The following PALM2AKAP2 variants were observed in gnomAD, a reference collection of about 807,000 sequenced individuals.
PALM2AKAP2 encodes PALM2-AKAP2 fusion protein.
Under a neutral mutation model 71.5 loss-of-function variants are expected in PALM2AKAP2, and 37 were observed. That is an observed-to-expected ratio of 0.52 (90% confidence interval 0.40 to 0.68). PALM2AKAP2 has a LOEUF of 0.68. Ranked by LOEUF, PALM2AKAP2 falls within the 30% of genes least tolerant of loss-of-function variation. The probability of loss-of-function intolerance (pLI) is 0.00; values close to 1 mark genes in which losing one functional copy is unlikely to be tolerated. For synonymous variants in PALM2AKAP2, 468 were observed against 478.8 expected (o/e 0.98, Z 0.29); for missense variants, 1,224 against 1,191.8 (o/e 1.03, Z -0.40).
chr9:110,068,220 G>A (rs930595065), intron 1 of PALM2AKAP2, among the ~76,000 whole-genome samples: 3 of 148,868 alleles, frequency 2.0e-5, no homozygotes, highest in African/African-American at 5.1e-5. Flanking sequence ...GATGGATTAA[G>A]GAGGACAAAG....
intron 6 of PALM2AKAP2, among the ~76,000 whole-genome samples, chr9:109,969,995 G>A (rs1207778038): frequency 6.6e-6 from 1 of 152,216 alleles, no homozygotes; most frequent in Non-Finnish European, 1.5e-5. Context: ...AAATGGACTG[G>A]AGAGTGCAAC....
chr9:109,646,569 T>C (rs1408789797), intron 1 of PALM2AKAP2, among the ~76,000 whole-genome samples: 1 of 152,214 alleles, frequency 6.6e-6, no homozygotes, highest in Non-Finnish European at 1.5e-5. Context: ...TGAATAAATC[T>C]AGGTTCATGA....
chr9:109,672,960 GTTTCT>G (rs2118495335), intron 1 of PALM2AKAP2, among the ~76,000 whole-genome samples: 1 of 151,742 alleles, frequency 6.6e-6, no homozygotes, highest in Admixed American at 6.6e-5. Flanking sequence ...CCTCCTTGGT[GTTTCT>G]GATTGTGTTT....
intron 1 of PALM2AKAP2, among the ~76,000 whole-genome samples, chr9:109,816,760 T>A (rs1410160766): frequency 3.3e-5 from 5 of 152,000 alleles, no homozygotes; most frequent in Non-Finnish European, 5.9e-5. Context: ...GGGACAGAGT[T>A]AAGGAGAGAG....
chr9:109,875,596 A>T (rs372993695), intron 2 of PALM2AKAP2, among the ~76,000 whole-genome samples: 1 of 152,214 alleles, frequency 6.6e-6, no homozygotes, highest in South Asian at 2.1e-4. Flanking sequence ...TTGGATAGTC[A>T]TAGGTCCTCA....
At chr9:109,642,740 C>A (rs116708092) in intron 1 of PALM2AKAP2, among the ~76,000 whole-genome samples, 1 of 151,372 alleles carries the variant, frequency 6.6e-6, no homozygotes, top group South Asian at 2.1e-4. Flanking sequence ...TTCATACAGA[C>A]GGGATTGTCC....
chr9:109,907,247 C>T (rs1830466543), intron 3 of PALM2AKAP2, among the ~76,000 whole-genome samples: 1 of 152,192 alleles, frequency 6.6e-6, no homozygotes. Context: ...TAGCTTCCTC[C>T]CTCATGAGAT....
intron 7 of PALM2AKAP2, among the ~76,000 whole-genome samples, chr9:110,038,360 A>AC (rs1426021699): frequency 6.7e-6 from 1 of 148,196 alleles, no homozygotes; most frequent in Non-Finnish European, 1.5e-5. Context: ...AAACAAACAA[A>AC]AAACAAAAAG....
chr9:110,164,528 CTTTTTTTTTT>C (rs35588802), intron 3 of PALM2AKAP2, among the ~76,000 whole-genome samples: 2 of 129,304 alleles, frequency 1.5e-5, no homozygotes, highest in African/African-American at 5.8e-5. Context: ...ATTTAGTTTA[CTTTTTTTTTT>C]TTTTTTTTTT....
intron 1 of PALM2AKAP2, among the ~76,000 whole-genome samples, chr9:109,737,177 G>A (rs1828649440): frequency 6.6e-6 from 1 of 152,220 alleles, no homozygotes; most frequent in African/African-American, 2.4e-5. Context: ...AGGCACCAAA[G>A]GGATCCTGGA....
At chr9:109,655,298 C>CAAAAA (rs10598253) in intron 1 of PALM2AKAP2, among the ~76,000 whole-genome samples, 1 of 110,416 alleles carries the variant, frequency 9.1e-6, no homozygotes, top group Non-Finnish European at 1.8e-5. Flanking sequence ...GACTCGGTCT[C>CAAAAA]AAAAAAAAAA....
intron 1 of PALM2AKAP2, among the ~76,000 whole-genome samples, chr9:110,082,915 G>A (rs1834480736): frequency 6.6e-6 from 1 of 152,194 alleles, no homozygotes; most frequent in Non-Finnish European, 1.5e-5. Context: ...GCTGAGGTGG[G>A]CGGATCACCT....
intron 7 of PALM2AKAP2, among the ~76,000 whole-genome samples, chr9:110,019,743 C>T (rs1034311699): frequency 6.6e-6 from 1 of 152,070 alleles, no homozygotes; most frequent in African/African-American, 2.4e-5. Context: ...GGAACTACTA[C>T]ACATGGGCAT....
chr9:109,907,733 A>G (rs1830480610), intron 3 of PALM2AKAP2, among the ~76,000 whole-genome samples: 1 of 152,262 alleles, frequency 6.6e-6, no homozygotes. Flanking sequence ...CAGTGGGATG[A>G]CAAATTTCTC....
At chr9:109,923,645 G>A in intron 3 of PALM2AKAP2, 90 bp from the exon 4 acceptor site, 1 of 1,373,852 alleles carries the variant, frequency 7.3e-7, no homozygotes, top group East Asian at 2.6e-5. Context: ...TGCCAGGAAG[G>A]TACAAATCGC....
rs969476644 is a variant in PALM2AKAP2, at chr9:110,073,236, C to G, written c.156+24381C>G. ...ACAGTTTTTGTTCTGAGCAAGAATG[C>G]GTCATTGCTGGTCTTGTGTTTTCAG... On this transcript the variant is annotated intron_variant, in intron 1 of 3. Transcript: ENST00000374525. 2.4e-4 allele frequency among the ~76,000 whole-genome samples: 36 copies of G among 152,130 alleles called. 1 individual carries two copies. The highest frequency in any genetic ancestry group is 7.4e-5 in the Non-Finnish European group (5 of 68,026).
At chr9:109,801,662 A>T (rs1468765246) in intron 1 of PALM2AKAP2, among the ~76,000 whole-genome samples, 2 of 152,104 alleles carry the variant, frequency 1.3e-5, no homozygotes, top group African/African-American at 4.8e-5. Flanking sequence ...AAAGCTGATT[A>T]TCAGAATGCT....
intron 6 of PALM2AKAP2, among the ~76,000 whole-genome samples, chr9:109,938,596 G>A (rs1831284610): frequency 6.6e-6 from 1 of 151,924 alleles, no homozygotes; most frequent in Admixed American, 6.6e-5. Context: ...AATATAAATA[G>A]GTAACCCTAG....
intron 2 of PALM2AKAP2, among the ~76,000 whole-genome samples, chr9:110,147,618 GA>G (rs1206841242): frequency 8.5e-5 from 13 of 152,184 alleles, no homozygotes; most frequent in African/African-American, 2.4e-4. Context: ...TCTACGGGGG[GA>G]AAAAATAGCT....
Sources: allele counts gnomAD v4.1 joint callset (sites outside exome capture counted in the v4.1 genomes callset), GRCh38; gene constraint gnomAD v4.1.1; transcripts MANE v1.5; gene names NCBI Gene and HGNC (gene_info 2026-07-23, HGNC 2026-07-21).